RBMS1: variants seen among roughly 807,000 people sequenced by gnomAD.
The protein encoded by RBMS1 is RNA binding motif single stranded interacting protein 1.
A neutral mutation model predicts 62.3 loss-of-function variants in RBMS1; 17 were observed. The ratio of observed to expected loss-of-function variants is 0.27; its 90% CI spans 0.19 to 0.41. The LOEUF (loss-of-function observed/expected upper bound fraction) is 0.41, where lower values mean the gene tolerates loss of function less well. Among genes scored for constraint, RBMS1 ranks in the 10% least tolerant of loss-of-function variants. The probability of loss-of-function intolerance (pLI) is 1.00; values close to 1 mark genes in which losing one functional copy is unlikely to be tolerated. For missense variants in RBMS1, 334 were observed against 504.5 expected (o/e 0.66, Z 3.24); for synonymous variants, 172 against 170.0 (o/e 1.01, Z -0.09).
chr2:160,276,055 A>G (rs191696337), intron 12 of RBMS1, among the ~76,000 whole-genome samples: 6 of 152,278 alleles, frequency 3.9e-5, no homozygotes, highest in Non-Finnish European at 8.8e-5. Flanking sequence ...CATATGCTGT[A>G]TATCATTTAA....
chr2:160,325,559 T>TTTTTTTCAA (rs1474653354), intron 2 of RBMS1, among the ~76,000 whole-genome samples: 1 of 152,210 alleles, frequency 6.6e-6, no homozygotes, highest in Non-Finnish European at 1.5e-5. Context: ...ACTCACTTTT[T>TTTTTTTCAA]TGGCTGCTTT....
intron 1 of RBMS1, among the ~76,000 whole-genome samples, chr2:160,399,275 G>T (rs963117808): frequency 1.3e-5 from 2 of 152,164 alleles, no homozygotes; most frequent in Non-Finnish European, 2.9e-5. Context: ...TGAAAGCTAT[G>T]AATCTCTACC....
intron 11 of RBMS1, chr2:160,278,334 C>T (rs1018509668): frequency 8.6e-6 from 5 of 581,082 alleles, no homozygotes; most frequent in Admixed American, 2.8e-5. Context: ...GCTATATTCT[C>T]GTAAAGGAGA....
intron 1 of RBMS1, among the ~76,000 whole-genome samples, chr2:160,465,624 C>A (rs535659919): frequency 6.6e-6 from 1 of 152,092 alleles, no homozygotes; most frequent in Non-Finnish European, 1.5e-5. Flanking sequence ...TTAAAGCAGG[C>A]CTGGCACAGG....
At chr2:160,487,931 T>C (rs957487632) in intron 1 of RBMS1, among the ~76,000 whole-genome samples, 5 of 152,202 alleles carry the variant, frequency 3.3e-5, no homozygotes, top group South Asian at 2.1e-4. Context: ...CAGGGCTTGT[T>C]TGAAAAATTA....
At chr2:160,445,646 C>T (rs1342206089) in intron 1 of RBMS1, among the ~76,000 whole-genome samples, 1 of 152,184 alleles carries the variant, frequency 6.6e-6, no homozygotes, top group Non-Finnish European at 1.5e-5. Context: ...TGAAGGCCTT[C>T]AGAGTAGCCA....
chr2:160,465,429 G>A (rs1362460896), intron 1 of RBMS1, among the ~76,000 whole-genome samples: 1 of 152,106 alleles, frequency 6.6e-6, no homozygotes. Flanking sequence ...TTTTTATTCA[G>A]ATTTTTTGTT....
At chr2:160,469,615 T>A (rs1181488298) in intron 1 of RBMS1, among the ~76,000 whole-genome samples, 1 of 152,208 alleles carries the variant, frequency 6.6e-6, no homozygotes, top group Non-Finnish European at 1.5e-5. Context: ...AGGGAGTCAC[T>A]ACCCTCAGCA....
At chr2:160,283,131 G>A (rs1472555818) in intron 9 of RBMS1, 1 of 152,202 alleles carries the variant, frequency 6.6e-6, no homozygotes, top group Non-Finnish European at 1.5e-5. Context: ...AAAAAGAGGT[G>A]TTGGAGAAAT....
rs149269987 is a variant in RBMS1 at position 160,402,651 on chromosome 2, C to A, written c.76-35260G>T. ...ACATCTGAAATCTGGACACTGTGGG[C>A]CACATGTCTTTGGGAGGCCAAGTAA... On this transcript the variant is annotated intron_variant, in intron 1 of 13. Transcript: ENST00000348849. 2.3e-3 allele frequency among the ~76,000 whole-genome samples: 355 copies of A among 152,234 alleles called. 1 individual carries two copies. Among genetic ancestry groups the A allele is most frequent in the African/African-American group, 8.2e-3 (339 of 41,522 alleles).
chr2:160,379,298 T>A (rs1291597422), intron 1 of RBMS1, among the ~76,000 whole-genome samples: 2 of 152,262 alleles, frequency 1.3e-5, no homozygotes, highest in Non-Finnish European at 2.9e-5. Context: ...GTTTCTAATT[T>A]GACCTAAGCA....
chr2:160,278,371 C>G, intron 11 of RBMS1, 177 bp downstream of exon 11: 1 of 630,294 alleles, frequency 1.6e-6, no homozygotes, highest in Non-Finnish European at 2.8e-6. Context: ...ACTTTCAGTT[C>G]ATCAATTAAT....
At chr2:160,493,088 T>C (rs1685919733) in intron 1 of RBMS1, 2 of 544,618 alleles carry the variant, frequency 3.7e-6, no homozygotes, top group Non-Finnish European at 6.4e-6. Flanking sequence ...TGTAACCCGA[T>C]CCCCGCACTC....
chr2:160,312,872 C>T (rs1052984462), intron 4 of RBMS1, among the ~76,000 whole-genome samples: 1 of 151,136 alleles, frequency 6.6e-6, no homozygotes, highest in African/African-American at 2.4e-5. Context: ...TACCTGATTA[C>T]CTGAGAAAAT....
At chr2:160,435,355 G>A (rs1683067990) in intron 1 of RBMS1, among the ~76,000 whole-genome samples, 1 of 152,160 alleles carries the variant, frequency 6.6e-6, no homozygotes, top group Non-Finnish European at 1.5e-5. Context: ...CAAACACTGA[G>A]GTAGGTGGAG....
chr2:160,402,009 T>TA (rs1695449249), intron 1 of RBMS1: 2 of 152,160 alleles, frequency 1.3e-5, no homozygotes, highest in Non-Finnish European at 2.9e-5. Flanking sequence ...AGTCCATTCT[T>TA]AGAGGCTGTA....
chr2:160,311,238 A>ATCTATATATCTATATATATATATC (rs1287458681), intron 4 of RBMS1, among the ~76,000 whole-genome samples: 1 of 119,248 alleles, frequency 8.4e-6, no homozygotes, highest in Non-Finnish European at 1.8e-5. Flanking sequence ...CTATCTATAT[A>ATCTATATATCTATATATATATATC]TATATATATA....
chr2:160,290,915 T>C (rs1460754480), intron 6 of RBMS1, among the ~76,000 whole-genome samples: 2 of 152,336 alleles, frequency 1.3e-5, no homozygotes, highest in East Asian at 1.9e-4. Context: ...GTGAGCTCCA[T>C]GGATAAGGCT....
intron 1 of RBMS1, among the ~76,000 whole-genome samples, chr2:160,452,477 C>T (rs867147484): frequency 1.3e-5 from 2 of 152,188 alleles, no homozygotes; most frequent in Non-Finnish European, 2.9e-5. Context: ...CATAATACAA[C>T]ATAAATGCTA....
Sources: gnomAD v4.1 joint callset for allele counts (sites outside exome capture counted in the v4.1 genomes callset) on GRCh38, gnomAD v4.1.1 for gene constraint, MANE v1.5 for transcripts, NCBI Gene and HGNC (gene_info 2026-07-23, HGNC 2026-07-21) for gene names.